The following BCHE variants were observed in gnomAD, a reference collection of about 807,000 sequenced individuals.
BCHE encodes the protein cholinesterase.
Under a neutral mutation model 51.3 loss-of-function variants are expected in BCHE, and 48 were observed. That is an observed-to-expected ratio of 0.94 (90% CI 0.74 to 1.19). BCHE has a LOEUF of 1.19. Ranked by LOEUF, BCHE falls within the 50% of genes most tolerant of loss-of-function variation. BCHE has a pLI of 0.00. For missense variants in BCHE, 847 were observed against 708.2 expected (o/e 1.20, Z -2.23); for synonymous variants, 251 against 238.0 (o/e 1.05, Z -0.50).
At chr3:165,820,928 G>A (rs926564332) in intron 2 of BCHE, among the ~76,000 whole-genome samples, 7 of 151,986 alleles carry the variant, frequency 4.6e-5, no homozygotes, top group Non-Finnish European at 4.4e-5. Flanking sequence ...CCTGGCGAAT[G>A]TATAATACAA....
rs550866478 is a variant in BCHE at position 165,830,154 on chromosome 3, T to C, written c.880A>G (p.Asn294Asp). ...AGAAGAATTTCTTGGGGATCTTTATTTCTAAGACACTTGATTATTTCAGTC... is the reference window on the plus strand; with the variant it reads ...AGAAGAATTTCTTGGGGATCTTTATCTCTAAGACACTTGATTATTTCAGTC... ...NETEIIKCLR[N>D]KDPQEILLNE... is the part of the protein sequence containing the mutation. The change falls in exon 2 of 4, where the codon AAT becomes GAT. Residue 294 changes from asparagine to aspartate, a missense_variant. Asn to Asp is a conservative substitution (Grantham distance 23). Coordinates refer to ENST00000264381, the MANE Select transcript of BCHE (RefSeq NM_000055.4). 7 of 1,613,980 alleles carry C rather than the reference T, an allele frequency of 4.3e-6. No homozygotes were observed. The South Asian group carries it at 7.7e-5, about 18-fold the overall frequency.
At chr3:165,779,512 G>A (rs542240314) in intron 3 of BCHE, among the ~76,000 whole-genome samples, 61 of 152,116 alleles carry the variant, frequency 4.0e-4, no homozygotes, top group Non-Finnish European at 8.4e-4. Flanking sequence ...CTATGTTTAG[G>A]AAACCCCATC....
At chr3:165,782,884 C>T (rs1288817335) in intron 3 of BCHE, among the ~76,000 whole-genome samples, 1 of 151,708 alleles carries the variant, frequency 6.6e-6, no homozygotes, top group African/African-American at 2.4e-5. Flanking sequence ...AGCATTAATC[C>T]CTTTTAAACA....
In BCHE at chr3:165,834,555, T is replaced by C. The variant is rs775552503; in HGVS notation, c.-9+2759A>G. 4.5e-4 allele frequency among the ~76,000 whole-genome samples: 69 copies of C among 151,996 alleles called. 1 individual carries two copies. Among genetic ancestry groups the C allele is most frequent in the Non-Finnish European group, 8.5e-4 (58 of 67,858 alleles). Reference sequence around the variant, plus strand: ...GTTTTTATATTTAATTGCAGTACTTTATTTTTTAAATAAGCATCACTTTGC... The same window carrying C: ...GTTTTTATATTTAATTGCAGTACTTCATTTTTTAAATAAGCATCACTTTGC... On this transcript the variant is annotated intron_variant, in intron 1 of 3. Coordinates refer to ENST00000264381, the MANE Select transcript of BCHE (RefSeq NM_000055.4).
intron 3 of BCHE, among the ~76,000 whole-genome samples, chr3:165,784,440 A>C (rs1712861034): frequency 6.6e-6 from 1 of 151,962 alleles, no homozygotes; most frequent in African/African-American, 2.4e-5. Context: ...ATTAATTAGA[A>C]AAAATGGTAT....
Position 165,773,594 on chromosome 3 carries a change from TCTAA to T in BCHE, c.1685-92_1685-89del, listed in dbSNP as rs1295010973. The T allele has an allele frequency of 8.0e-6, 9 of 1,130,410 alleles. No individual in the cohort carries two copies. The African/African-American group carries it at 1.4e-4, about 18-fold the overall frequency. The allele number at this position is 1,130,410 out of a possible 1,614,324, so 70.0% of individuals were successfully genotyped here. On this transcript the variant is annotated intron_variant, in intron 3 of 3. Coordinates refer to ENST00000264381, the MANE Select transcript of BCHE (RefSeq NM_000055.4). Reference sequence around the variant, plus strand: ...AATTTCGAATACAAAAGCCATTTTCTCTAACTACACAGTACAGCATTATTTTCTT... The same window carrying T: ...AATTTCGAATACAAAAGCCATTTTCTCTACACAGTACAGCATTATTTTCTT...
At chr3:165,795,120 AACTC>A (rs1713318705) in intron 2 of BCHE, among the ~76,000 whole-genome samples, 1 of 152,188 alleles carries the variant, frequency 6.6e-6, no homozygotes, top group Non-Finnish European at 1.5e-5. Flanking sequence ...TTAAAAAAGA[AACTC>A]ACATTTTCTC....
At chr3:165,808,860 C>T (rs1443066324) in intron 2 of BCHE, among the ~76,000 whole-genome samples, 5 of 152,106 alleles carry the variant, frequency 3.3e-5, no homozygotes, top group African/African-American at 1.2e-4. Context: ...TATAAATGTA[C>T]TTCTAAAGAG....
chr3:165,780,310 G>T (rs114078233), intron 3 of BCHE, among the ~76,000 whole-genome samples: 8,578 of 152,198 alleles, frequency 0.056, 317 homozygotes, highest in African/African-American at 0.089. Flanking sequence ...AACAATTCTA[G>T]AAGAAAATCT....
chr3:165,781,764 AT>A (rs1712713016), intron 3 of BCHE, among the ~76,000 whole-genome samples: 1 of 152,188 alleles, frequency 6.6e-6, no homozygotes, highest in East Asian at 1.9e-4. Flanking sequence ...AAATAAAAAA[AT>A]AAAGAAAATT....
At chr3:165,781,251 C>CA (rs1293371608) in intron 3 of BCHE, among the ~76,000 whole-genome samples, 2 of 151,596 alleles carry the variant, frequency 1.3e-5, no homozygotes, top group South Asian at 2.1e-4. Flanking sequence ...AACTTCACCT[C>CA]AAAAAAATAA....
intron 2 of BCHE, among the ~76,000 whole-genome samples, chr3:165,791,963 T>C (rs1713185952): frequency 6.6e-6 from 1 of 150,858 alleles, no homozygotes; most frequent in African/African-American, 2.4e-5. Flanking sequence ...TAAAATAAAA[T>C]AAAATAAAAT....
Position 165,829,939 on chromosome 3 carries a change from G to C in BCHE, c.1095C>G (p.Phe365Leu), listed in dbSNP as rs139312740. 5.6e-6 allele frequency: 9 copies of C among 1,613,308 alleles called. No homozygotes were observed. The African/African-American group carries it at 1.2e-4, about 22-fold the overall frequency. The change falls in exon 2 of 4, where the codon TTC (phenylalanine) becomes TTG (leucine). Residue 365 changes from phenylalanine to leucine, a missense_variant. Transcript: ENST00000264381. ...TTATGATACTATTGTTATCTTTGCT[G>C]AAGCCAGGAGCACCATAGACTAAAA... ...TAFLVYGAPG[F>L]SKDNNSIITR...
intron 2 of BCHE, among the ~76,000 whole-genome samples, chr3:165,800,611 A>G (rs1320369299): frequency 6.6e-6 from 1 of 152,102 alleles, no homozygotes; most frequent in African/African-American, 2.4e-5. Context: ...GTATATATAG[A>G]CCTCAAGACT....
intron 3 of BCHE, among the ~76,000 whole-genome samples, chr3:165,775,127 A>G (rs1712414036): frequency 6.6e-6 from 1 of 152,154 alleles, no homozygotes; most frequent in African/African-American, 2.4e-5. Flanking sequence ...TTTGAAATTA[A>G]TTAAACTTTG....
In BCHE at chr3:165,820,514, A is replaced by G. The variant is rs576513086; in HGVS notation, c.1517+9003T>C. Among the ~76,000 whole-genome samples, 67 of 152,176 alleles carry G rather than the reference A, an allele frequency of 4.4e-4. 2 individuals carry two copies. The South Asian group carries it at 0.013, about 30-fold the overall frequency. ...AAAGTGATAGAACATTGATGCTGTT[A>G]TGATAACAATAAAATAAATCCAAGG... On this transcript the variant is annotated intron_variant, in intron 2 of 3. Transcript: ENST00000264381.
At chr3:165,804,357 CT>C (rs1312073641) in intron 2 of BCHE, among the ~76,000 whole-genome samples, 3 of 151,670 alleles carry the variant, frequency 2.0e-5, no homozygotes, top group South Asian at 2.1e-4. Flanking sequence ...AATGTGAAGT[CT>C]TTTTTTCAGA....
At chr3:165,835,711 T>C (rs192261104) in intron 1 of BCHE, among the ~76,000 whole-genome samples, 139 of 152,064 alleles carry the variant, frequency 9.1e-4, no homozygotes, top group African/African-American at 3.2e-3. Flanking sequence ...TAGGCATGTA[T>C]ACATATAGAA....
chr3:165,829,419 T>C, intron 2 of BCHE, 98 bp downstream of exon 2: 1 of 1,072,986 alleles, frequency 9.3e-7, no homozygotes, highest in Non-Finnish European at 1.4e-6. Context: ...TTAAAACATT[T>C]CTGTGTCTTT....
Sources: allele counts gnomAD v4.1 joint callset (sites outside exome capture counted in the v4.1 genomes callset), GRCh38; gene constraint gnomAD v4.1.1; transcripts MANE v1.5; gene names NCBI Gene and HGNC (gene_info 2026-07-23, HGNC 2026-07-21).